The following ZFHX3 variants were observed in gnomAD, a reference collection of about 807,000 sequenced individuals.
The protein encoded by ZFHX3 is zinc finger homeobox 3, also known as zinc finger homeobox protein 3.
Under a neutral mutation model 279.1 loss-of-function variants are expected in ZFHX3, and 42 were observed. The observed-to-expected ratio is 0.15, with a 90% confidence interval of 0.12 to 0.19. The LOEUF (loss-of-function observed/expected upper bound fraction) is 0.19. Among genes scored for constraint, ZFHX3 ranks in the 10% least tolerant of loss-of-function variants. The pLI is 1.00. For synonymous variants in ZFHX3, 2,293 were observed against 1,957.8 expected (o/e 1.17, Z -4.52); for missense variants, 4,981 against 4,754.0 (o/e 1.05, Z -1.40).
chr16:73,286,956 GTGGC>G (rs2014622152), intron 4 of ZFHX3, among the ~76,000 whole-genome samples: 1 of 150,838 alleles, frequency 6.6e-6, no homozygotes, highest in South Asian at 2.1e-4. Context: ...GGGCCAGTGT[GTGGC>G]TGTGTGAGTG....
intron 7 of ZFHX3, among the ~76,000 whole-genome samples, chr16:73,120,815 C>T (rs566494878): frequency 3.0e-4 from 46 of 151,868 alleles, no homozygotes; most frequent in African/African-American, 9.7e-4. Flanking sequence ...CTACCACGCC[C>T]GGCGAATTTT....
chr16:73,284,729 C>G (rs1036510048), intron 4 of ZFHX3, among the ~76,000 whole-genome samples: 1 of 152,148 alleles, frequency 6.6e-6, no homozygotes, highest in African/African-American at 2.4e-5. Context: ...TTCAAAGAGT[C>G]TCCCCTTGTT....
chr16:73,371,775 T>C (rs1174727582), intron 3 of ZFHX3, among the ~76,000 whole-genome samples: 2 of 152,350 alleles, frequency 1.3e-5, no homozygotes, highest in South Asian at 2.1e-4. Context: ...CCTGGTTTAT[T>C]GCTGCCTGGT....
At chr16:73,478,264 CAAAAA>C (rs1162656010) in intron 2 of ZFHX3, among the ~76,000 whole-genome samples, 2 of 61,584 alleles carry the variant, frequency 3.2e-5, no homozygotes, top group South Asian at 5.7e-4. Context: ...GACTCCATCT[CAAAAA>C]AAAAAAAAAA....
chr16:73,026,580 AGAACTACTT>A (rs991561665), intron 1 of ZFHX3, among the ~76,000 whole-genome samples: 1 of 149,796 alleles, frequency 6.7e-6, no homozygotes, highest in Non-Finnish European at 1.5e-5. Flanking sequence ...CTGAGGCAGG[AGAACTACTT>A]GAACCTGGGA....
intron 2 of ZFHX3, among the ~76,000 whole-genome samples, chr16:73,514,627 G>A (rs764962482): frequency 1.3e-5 from 2 of 152,160 alleles, no homozygotes; most frequent in African/African-American, 2.4e-5. Flanking sequence ...AACTCTTTGA[G>A]ATACGTGTTA....
chr16:73,462,824 T>G (rs2143583842), intron 2 of ZFHX3, among the ~76,000 whole-genome samples: 1 of 152,310 alleles, frequency 6.6e-6, no homozygotes, highest in Admixed American at 6.5e-5. Flanking sequence ...TGCGAACACT[T>G]TGTTAAAGAT....
intron 3 of ZFHX3, among the ~76,000 whole-genome samples, chr16:73,395,846 C>T (rs2143413249): frequency 6.6e-6 from 1 of 152,038 alleles, no homozygotes; most frequent in African/African-American, 2.4e-5. Flanking sequence ...AATTACTTAC[C>T]TTAAGTGCAG....
intron 2 of ZFHX3, among the ~76,000 whole-genome samples, chr16:73,479,700 G>A (rs1356699197): frequency 6.6e-6 from 1 of 152,224 alleles, no homozygotes; most frequent in Non-Finnish European, 1.5e-5. Flanking sequence ...GCAGGCATAT[G>A]TAATGGGAAA....
intron 5 of ZFHX3, among the ~76,000 whole-genome samples, chr16:73,147,421 G>A (rs1292158927): frequency 2.6e-5 from 4 of 151,928 alleles, no homozygotes; most frequent in African/African-American, 4.8e-5. Context: ...GGCCGGGCGC[G>A]GTGGCTCACG....
At chr16:73,091,205 C>G (rs1356981348) in intron 8 of ZFHX3, among the ~76,000 whole-genome samples, 1 of 147,484 alleles carries the variant, frequency 6.8e-6, no homozygotes, top group East Asian at 2.0e-4. Context: ...AGTGAGACTC[C>G]GTCTCGGAAA....
chr16:73,423,025 ATC>A, intron 3 of ZFHX3, among the ~76,000 whole-genome samples: 1 of 151,946 alleles, frequency 6.6e-6, no homozygotes, highest in Admixed American at 6.6e-5. Context: ...CTGAGTCCTA[ATC>A]TCCCCTTCTT....
intron 1 of ZFHX3, among the ~76,000 whole-genome samples, chr16:73,044,212 T>C (rs1965214547): frequency 6.6e-6 from 1 of 152,130 alleles, no homozygotes; most frequent in Admixed American, 6.5e-5. Context: ...ATAATAACCA[T>C]TACCACCAAA....
intron 2 of ZFHX3, among the ~76,000 whole-genome samples, chr16:73,464,479 G>T: frequency 6.7e-6 from 1 of 150,182 alleles, no homozygotes; most frequent in Non-Finnish European, 1.5e-5. Context: ...TCAGCTTTCA[G>T]ATGTTACATG....
In ZFHX3 at chr16:73,082,259, A is replaced by G. The variant is rs537822455; in HGVS notation, c.-533+10976T>C. On this transcript the variant is annotated intron_variant, in intron 8 of 17. Coordinates refer to the ZFHX3 transcript ENST00000641206. ...ATCCTACTTGGTAACCTTTCTTTGA[A>G]TGAATGAATTTTTTTTTCTCTTTTT... is the stretch of plus-strand genomic sequence containing the variant. Among the ~76,000 whole-genome samples the G allele has an allele frequency of 2.0e-5, 3 of 151,830 alleles. No homozygotes were observed. In the South Asian group the frequency reaches 6.3e-4, roughly 32 times the overall value.
At chr16:73,436,832 A>G (rs1214868228) in intron 3 of ZFHX3, among the ~76,000 whole-genome samples, 3 of 152,172 alleles carry the variant, frequency 2.0e-5, no homozygotes, top group Admixed American at 2.0e-4. Flanking sequence ...TGGTAGATGG[A>G]CACCAAAGTG....
intron 2 of ZFHX3, among the ~76,000 whole-genome samples, chr16:73,585,631 A>G (rs79610611): frequency 0.015 from 2,359 of 152,308 alleles, 71 homozygotes; most frequent in African/African-American, 0.052. Context: ...AACAGCAAAA[A>G]CAAACAACAA....
At chr16:73,547,962 C>T (rs1431428917) in intron 2 of ZFHX3, among the ~76,000 whole-genome samples, 2 of 152,196 alleles carry the variant, frequency 1.3e-5, no homozygotes, top group African/African-American at 4.8e-5. Flanking sequence ...TAAAGATTTA[C>T]CCAAATGCTG....
chr16:73,187,327 A>T (rs761596760), intron 5 of ZFHX3, among the ~76,000 whole-genome samples: 18 of 149,918 alleles, frequency 1.2e-4, no homozygotes, highest in Admixed American at 4.1e-4. Flanking sequence ...ATCTTTTCTC[A>T]GATAGTAAAG....
Sources: allele counts gnomAD v4.1 joint callset (sites outside exome capture counted in the v4.1 genomes callset), GRCh38; gene constraint gnomAD v4.1.1; transcripts MANE v1.5; gene names NCBI Gene and HGNC (gene_info 2026-07-23, HGNC 2026-07-21).